Variants in DMRT1 observed in about 807,000 individuals in gnomAD.
DMRT1 encodes doublesex and mab-3 related transcription factor 1.
In DMRT1, 7 loss-of-function variants were observed where a neutral mutation model predicts 32.3. That is an observed-to-expected ratio of 0.22 (90% CI 0.12 to 0.41). DMRT1 has a LOEUF of 0.41. DMRT1 is among the 10% of genes least tolerant of loss of function. DMRT1 has a pLI of 1.00. For synonymous variants in DMRT1, 278 were observed against 206.1 expected, an observed-to-expected ratio of 1.35 and a Z score of -2.99; for missense variants, 625 against 500.5, an observed-to-expected ratio of 1.25 and a Z score of -2.37.
At chr9:905,939 G>A (rs977878603) in intron 3 of DMRT1, among the ~76,000 whole-genome samples, 3 of 152,076 alleles carry the variant, frequency 2.0e-5, no homozygotes, top group Non-Finnish European at 4.4e-5. Flanking sequence ...TTGCAGGGCA[G>A]TGCACATTTC....
intron 2 of DMRT1, among the ~76,000 whole-genome samples, chr9:875,774 A>G (rs1202007203): frequency 5.3e-5 from 8 of 152,036 alleles, no homozygotes; most frequent in Admixed American, 5.2e-4. Context: ...GTGTGTATGT[A>G]TGTATGTATG....
At chr9:846,364 G>C (rs77096565) in intron 1 of DMRT1, among the ~76,000 whole-genome samples, 3,493 of 152,072 alleles carry the variant, frequency 0.023, 120 homozygotes, top group African/African-American at 0.08. Flanking sequence ...AAGTAATGTA[G>C]GATACAATCT....
rs901087092 is a variant in DMRT1, at chr9:936,212, A to C, written c.967+19305A>C. The stretch of plus-strand genomic sequence containing the variant: ...GTTGCTTGATACTTATTTACTTGGG[A>C]GTCAAGAGAGAACTGTTGAAATGTA... On this transcript the variant is annotated intron_variant, in intron 4 of 4. Transcript: ENST00000382276. 3.3e-5 allele frequency among the ~76,000 whole-genome samples: 5 copies of C among 152,278 alleles called. No individual in the cohort carries two copies. In the South Asian group the frequency reaches 8.3e-4, roughly 25 times the overall value.
At chr9:912,264 G>C (rs1321462977) in intron 3 of DMRT1, among the ~76,000 whole-genome samples, 2 of 152,160 alleles carry the variant, frequency 1.3e-5, no homozygotes. Context: ...CGCCTACCAC[G>C]TTCCTTCTTT....
At chr9:915,779 C>T (rs368981069) in intron 3 of DMRT1, among the ~76,000 whole-genome samples, 1 of 150,880 alleles carries the variant, frequency 6.6e-6, no homozygotes, top group African/African-American at 2.5e-5. Flanking sequence ...GTCGCCCAGG[C>T]TGGAGTGCAG....
chr9:921,355 A>T (rs1193048107), intron 4 of DMRT1, among the ~76,000 whole-genome samples: 1 of 152,202 alleles, frequency 6.6e-6, no homozygotes, highest in African/African-American at 2.4e-5. Flanking sequence ...ATTCCATAGT[A>T]TGGATGGATA....
At chr9:915,976 G>T (rs1204041263) in intron 3 of DMRT1, among the ~76,000 whole-genome samples, 1 of 152,062 alleles carries the variant, frequency 6.6e-6, no homozygotes, top group African/African-American at 2.4e-5. Context: ...CTTGTGATCT[G>T]CCCATCTTGG....
At chr9:914,491 G>A (rs1818104046) in intron 3 of DMRT1, among the ~76,000 whole-genome samples, 1 of 147,490 alleles carries the variant, frequency 6.8e-6, no homozygotes, top group South Asian at 2.2e-4. Flanking sequence ...GGAGAATGAC[G>A]TGAACCTGGG....
At chr9:859,377 C>T (rs550213410) in intron 2 of DMRT1, among the ~76,000 whole-genome samples, 1 of 152,224 alleles carries the variant, frequency 6.6e-6, no homozygotes, top group East Asian at 1.9e-4. Context: ...GGACTCTGAG[C>T]CTAGGAGTGC....
intron 4 of DMRT1, among the ~76,000 whole-genome samples, chr9:962,549 T>C (rs1222974774): frequency 5.7e-5 from 1 of 17,600 alleles, no homozygotes; most frequent in Non-Finnish European, 1.1e-4. Flanking sequence ...AGGGCTTGGG[T>C]GGGGTGGGGT....
rs58893896 is a variant in DMRT1 at position 870,709 on chromosome 9, C to CTT, written c.539-23184_539-23183dup. ...GTTCCCATATTTCTCATTTTCTTGA[C>CTT]TTTTTTTTTTTTTTTTTTTTGAGAC... On this transcript the variant is annotated intron_variant, in intron 2 of 4. Transcript: ENST00000382276. Among the ~76,000 whole-genome samples, 552 of 69,542 alleles carry CTT rather than the reference C, an allele frequency of 7.9e-3. 41 individuals carry two copies. The highest frequency in any genetic ancestry group is 0.031 in the Middle Eastern group (1 of 32). The allele number at this position is 69,542 out of a possible 152,430, so 45.6% of individuals were successfully genotyped here. A position where few individuals can be genotyped will look rare whatever the true frequency, so the allele number is the denominator to read the frequency against.
chr9:842,365 G>C (rs1203857021), intron 1 of DMRT1, 173 bp downstream of exon 1: 3 of 825,864 alleles, frequency 3.6e-6, no homozygotes, highest in Non-Finnish European at 5.5e-6. Context: ...CTCCCAAGTA[G>C]CTGGGACTAC....
rs767883132 is a variant in DMRT1, at chr9:916,852, G to A, written c.912G>A (p.Val304=). The change falls in exon 4 of 5, where the codon GTG becomes GTA. Residue 304 remains valine (V), a synonymous_variant. Transcript: ENST00000382276. The part of the protein sequence containing the change: ...YPPPSYLGQS[V]PQFFTFEDAP... ...CTCCCTCTTACCTGGGCCAGAGCGT[G>A]CCCCAGTTCTTCACTTTTGAGGATG... 1.9e-6 allele frequency: 3 copies of A among 1,614,210 alleles called. No homozygotes were observed. Among genetic ancestry groups the A allele is most frequent in the South Asian group, 1.1e-5 (1 of 91,088 alleles).
chr9:845,705 C>CAGG (rs1838874601), intron 1 of DMRT1, among the ~76,000 whole-genome samples: 2 of 152,136 alleles, frequency 1.3e-5, no homozygotes, highest in South Asian at 4.1e-4. Flanking sequence ...GCCCCTTTCC[C>CAGG]CACTGCTTCT....
At chr9:853,508 T>C (rs1453747814) in intron 2 of DMRT1, among the ~76,000 whole-genome samples, 1 of 151,874 alleles carries the variant, frequency 6.6e-6, no homozygotes, top group Non-Finnish European at 1.5e-5. Context: ...GTCTTGATCT[T>C]GTCTCCCAGG....
At chr9:853,799 C>A (rs1035676650) in intron 2 of DMRT1, among the ~76,000 whole-genome samples, 1 of 149,892 alleles carries the variant, frequency 6.7e-6, no homozygotes, top group African/African-American at 2.5e-5. Flanking sequence ...GCCACCAGGA[C>A]TGGCCATTTA....
At chr9:959,333 C>G (rs892109684) in intron 4 of DMRT1, among the ~76,000 whole-genome samples, 1 of 152,200 alleles carries the variant, frequency 6.6e-6, no homozygotes, top group Non-Finnish European at 1.5e-5. Flanking sequence ...TCATTAAAAG[C>G]TGGGGGCCTT....
intron 4 of DMRT1, among the ~76,000 whole-genome samples, chr9:947,024 C>T (rs1021056067): frequency 5.9e-5 from 9 of 152,180 alleles, no homozygotes; most frequent in African/African-American, 2.2e-4. Flanking sequence ...ACATGATTGG[C>T]AGTTTATTAT....
chr9:871,690 G>T (rs1459785573), intron 2 of DMRT1, among the ~76,000 whole-genome samples: 2 of 150,006 alleles, frequency 1.3e-5, no homozygotes, highest in South Asian at 4.2e-4. Flanking sequence ...TAGCCAGGAT[G>T]GTCTCAATCT....
Sources: allele counts gnomAD v4.1 joint callset (sites outside exome capture counted in the v4.1 genomes callset), GRCh38; gene constraint gnomAD v4.1.1; transcripts MANE v1.5; gene names NCBI Gene and HGNC (gene_info 2026-07-23, HGNC 2026-07-21).